The following CASK variants were observed in gnomAD, a reference collection of about 807,000 sequenced individuals.
CASK encodes the protein peripheral plasma membrane protein CASK.
In CASK, 4 loss-of-function variants were observed where a neutral mutation model predicts 82.9. That is an observed-to-expected ratio of 0.05 (90% CI 0.02 to 0.11). CASK has a LOEUF of 0.11. CASK is among the 10% of genes least tolerant of loss of function. The pLI, the probability that CASK is intolerant of heterozygous loss-of-function variation, is 1.00. For missense variants in CASK, 358 were observed against 720.9 expected (o/e 0.50, Z 5.76); for synonymous variants, 259 against 253.5 (o/e 1.02, Z -0.20).
At chrX:41,797,825 T>G (rs1348041634) in intron 2 of CASK, among the ~76,000 whole-genome samples, 14 of 111,504 alleles carry the variant, frequency 1.3e-4, no homozygotes, top group Non-Finnish European at 2.4e-4. Context: ...ATACTAAAAA[T>G]GCCAAAACTT....
At chrX:41,905,471 A>C (rs947461673) in intron 1 of CASK, among the ~76,000 whole-genome samples, 4 of 113,040 alleles carry the variant, frequency 3.5e-5, no homozygotes, top group African/African-American at 1.3e-4. Flanking sequence ...TTGCACTTCC[A>C]TAATGACTTG....
chrX:41,542,814 A>G lies in CASK; in HGVS notation c.2040-8T>C. On this transcript the variant is annotated splice_polypyrimidine_tract_variant and splice_region_variant and intron_variant, in intron 21 of 26. Coordinates refer to ENST00000378163, the MANE Select transcript of CASK (RefSeq NM_001367721.1). ...GCAATGCAAGCTACTCGCCTAGCAC[A>G]TACAAAAAGAAAAATAAAATAAAAT... 5 of 1,019,731 alleles carry G rather than the reference A, an allele frequency of 4.9e-6. No individual in the cohort carries two copies. The highest frequency in any genetic ancestry group is 2.2e-5 in the Admixed American group (1 of 45,072). 84.0% of individuals were successfully genotyped at this position (1,019,731 alleles called of 1,213,427 possible).
chrX:41,752,620 G>T (rs1230974186), intron 3 of CASK, among the ~76,000 whole-genome samples: 2 of 111,579 alleles, frequency 1.8e-5, no homozygotes, highest in East Asian at 2.8e-4. Flanking sequence ...ATAATGAAAA[G>T]AGTACTATCA....
chrX:41,612,881 G>A (rs1437545194), intron 11 of CASK, among the ~76,000 whole-genome samples: 5 of 87,297 alleles, frequency 5.7e-5, no homozygotes, highest in Non-Finnish European at 1.1e-4. Context: ...GGAGGGAGGT[G>A]GGGGGGTCAG....
chrX:41,906,884 G>T (rs755376175), intron 1 of CASK, among the ~76,000 whole-genome samples: 22 of 112,558 alleles, frequency 2.0e-4, no homozygotes, highest in Non-Finnish European at 3.6e-4. Context: ...TTAAAATACT[G>T]CATTTCCAAC....
intron 2 of CASK, among the ~76,000 whole-genome samples, chrX:41,801,838 G>A (rs2070004317): frequency 9.0e-6 from 1 of 111,392 alleles, no homozygotes; most frequent in African/African-American, 3.3e-5. Context: ...AAAGTTCCAT[G>A]TATTAAACAT....
At chrX:41,907,597 A>T (rs2072489657) in intron 1 of CASK, among the ~76,000 whole-genome samples, 1 of 111,711 alleles carries the variant, frequency 9.0e-6, no homozygotes, top group Non-Finnish European at 1.9e-5. Flanking sequence ...CCCAGTAAAC[A>T]TTCTAAGATT....
chrX:41,608,052 T>C (rs181393245), intron 12 of CASK, among the ~76,000 whole-genome samples: 2 of 112,155 alleles, frequency 1.8e-5, no homozygotes, highest in Non-Finnish European at 3.8e-5. Context: ...CTGACCACAT[T>C]TGGGGAAAGA....
At chrX:41,918,660 C>T (rs188540646) in intron 1 of CASK, among the ~76,000 whole-genome samples, 1 of 112,422 alleles carries the variant, frequency 8.9e-6, no homozygotes, top group African/African-American at 3.2e-5. Context: ...AATTTTTACA[C>T]AATAAGGCTG....
chrX:41,620,059 T>C (rs988255148), intron 11 of CASK, among the ~76,000 whole-genome samples: 1 of 112,815 alleles, frequency 8.9e-6, no homozygotes, highest in African/African-American at 3.2e-5. Flanking sequence ...AGTGTACCAT[T>C]CAATGAGTTT....
In CASK at chrX:41,725,352, T is replaced by C. The variant is rs1252632845; in HGVS notation, c.429+14032A>G. ...CAGAAAATAAATCAAACCATAATTC[T>C]GAAGGGGGTAGAGAGTAAAATTGCC... On this transcript the variant is annotated intron_variant, in intron 5 of 26. Transcript: ENST00000378163. 3.6e-5 allele frequency among the ~76,000 whole-genome samples: 4 copies of C among 111,355 alleles called. No individual in the cohort carries two copies. The East Asian group carries it at 1.1e-3, about 31-fold the overall frequency.
intron 5 of CASK, among the ~76,000 whole-genome samples, chrX:41,722,229 T>G (rs2147661902): frequency 8.9e-6 from 1 of 112,506 alleles, no homozygotes; most frequent in East Asian, 2.8e-4. Flanking sequence ...TTTCAACGGT[T>G]GATTGACATC....
At chrX:41,784,091 A>G (rs1253643836) in intron 3 of CASK, among the ~76,000 whole-genome samples, 1 of 111,787 alleles carries the variant, frequency 8.9e-6, no homozygotes, top group Non-Finnish European at 1.9e-5. Context: ...TTCATTTTCC[A>G]TAATTTTGTC....
chrX:41,807,271 A>C (rs2070143072), intron 2 of CASK, among the ~76,000 whole-genome samples: 1 of 111,492 alleles, frequency 9.0e-6, no homozygotes, highest in African/African-American at 3.3e-5. Context: ...GTAGAGTTAC[A>C]ATAAAAAAAG....
intron 5 of CASK, chrX:41,689,039 G>A (rs1345625968): frequency 2.7e-5 from 3 of 111,558 alleles, no homozygotes; most frequent in Non-Finnish European, 5.7e-5. Flanking sequence ...TCAGTGTCTA[G>A]GGAAGCTTGG....
intron 2 of CASK, among the ~76,000 whole-genome samples, chrX:41,813,038 T>A (rs1482921572): frequency 9.0e-6 from 1 of 111,468 alleles, no homozygotes; most frequent in Non-Finnish European, 1.9e-5. Context: ...TTACAAAGGA[T>A]GTGAAGGACC....
intron 2 of CASK, among the ~76,000 whole-genome samples, chrX:41,811,788 A>G (rs1383530540): frequency 6.3e-5 from 7 of 111,880 alleles, no homozygotes; most frequent in Non-Finnish European, 1.3e-4. Flanking sequence ...CAAAAAATCA[A>G]TGAATCCAGG....
chrX:41,825,758 C>A (rs959858636), intron 2 of CASK, among the ~76,000 whole-genome samples: 11 of 111,953 alleles, frequency 9.8e-5, no homozygotes, highest in Non-Finnish European at 1.7e-4. Flanking sequence ...ATGAAAAGCA[C>A]TTTATAGTTC....
intron 1 of CASK, among the ~76,000 whole-genome samples, chrX:41,911,198 A>C (rs1320107516): frequency 8.9e-6 from 1 of 112,206 alleles, no homozygotes; most frequent in Non-Finnish European, 1.9e-5. Flanking sequence ...CCAGTTAAGA[A>C]GATACTAAGC....
Sources: allele counts gnomAD v4.1 joint callset (sites outside exome capture counted in the v4.1 genomes callset), GRCh38; gene constraint gnomAD v4.1.1; transcripts MANE v1.5; gene names NCBI Gene and HGNC (gene_info 2026-07-23, HGNC 2026-07-21).